The following BHLHE41 variants were observed in gnomAD, a reference collection of about 807,000 sequenced individuals.
The protein encoded by BHLHE41 is basic helix-loop-helix family member e41, also known as class E basic helix-loop-helix protein 41.
BHLHE41 carries 14 observed loss-of-function variants against 24.0 expected under a neutral mutation model. That is an observed-to-expected ratio of 0.58 (90% CI 0.39 to 0.91). BHLHE41 has a LOEUF of 0.91. Ranked by LOEUF, BHLHE41 falls within the 40% of genes least tolerant of loss-of-function variation. The probability of loss-of-function intolerance (pLI) is 0.00; values close to 1 mark genes in which losing one functional copy is unlikely to be tolerated. For synonymous variants in BHLHE41, 394 were observed against 315.5 expected (o/e 1.25, Z -2.64); for missense variants, 674 against 655.4 (o/e 1.03, Z -0.31).
intron 2 of BHLHE41, among the ~76,000 whole-genome samples, 160 bp downstream of exon 2, chr12:26,124,359 T>C (rs533561616): frequency 6.7e-6 from 1 of 149,840 alleles, no homozygotes; most frequent in African/African-American, 2.5e-5. Context: ...AGGTATGATG[T>C]TTAATATCCC....
In BHLHE41 at chr12:26,122,611, C is replaced by G. The variant is rs1281863977; in HGVS notation, c.904G>C (p.Ala302Pro). ...GCAGGGTCGGGCCCCAGAAGCGCGG[C>G]TGCCGCCGCCGCCGCGCCGCCCCCC... ...GPGGGAAAAA[A>P]ALLGPDPAAA... The change falls in exon 5 of 5, where the codon GCC becomes CCC. Residue 302 changes from alanine to proline, a missense_variant. Physicochemically the swap from Ala to Pro is conservative, Grantham distance 27 (BLOSUM62 -1). Around this residue, in one of 3 missense-constraint regions of BHLHE41, gnomAD observed 602 missense variants for 570.8 expected, o/e 1.05. Transcript: ENST00000242728. The G allele has an allele frequency of 3.5e-6, 4 of 1,136,858 alleles. No homozygotes were observed. The South Asian group carries it at 1.7e-4, about 48-fold the overall frequency. 70.4% of individuals were successfully genotyped at this position (1,136,858 alleles called of 1,614,324 possible).
chr12:26,122,626 C>T lies in BHLHE41; in HGVS notation c.889G>A (p.Ala297Thr). The T allele has an allele frequency of 1.7e-6, 2 of 1,205,690 alleles. No individual in the cohort carries two copies. The highest frequency in any genetic ancestry group is 1.0e-6 in the Non-Finnish European group (1 of 974,678). 74.7% of individuals were successfully genotyped at this position (1,205,690 alleles called of 1,614,324 possible). Residue 297 changes from alanine (A) to threonine (T), a missense_variant, in exon 5 of 5, where the codon GCG (alanine) becomes ACG (threonine). Transcript: ENST00000242728. ...GGSGGGPGGG[A>T]AAAAAALLGP... ...AGAAGCGCGGCTGCCGCCGCCGCCGCGCCGCCCCCCGGGCCGCCGCCGCTG... is the reference window on the plus strand; with the variant it reads ...AGAAGCGCGGCTGCCGCCGCCGCCGTGCCGCCCCCCGGGCCGCCGCCGCTG...
intron 3 of BHLHE41, 108 bp from the exon 4 acceptor site, chr12:26,123,849 G>T (rs1041773663): frequency 2.4e-6 from 2 of 838,366 alleles, no homozygotes; most frequent in African/African-American, 1.7e-5. Context: ...TTTGAAAGAA[G>T]TACTGTTCTT....
Sources: gnomAD v4.1 joint callset for allele counts (sites outside exome capture counted in the v4.1 genomes callset) on GRCh38, gnomAD v4.1.1 for gene constraint, gnomAD v4.1.1 regional missense constraint, MANE v1.5 for transcripts, NCBI Gene and HGNC (gene_info 2026-07-23, HGNC 2026-07-21) for gene names.